The following MAP3K21 variants were observed in gnomAD, a reference collection of about 807,000 sequenced individuals.
MAP3K21 encodes mitogen-activated protein kinase kinase kinase MLK4.
In MAP3K21, 63 loss-of-function variants were observed where a neutral mutation model predicts 86.1. That is an observed-to-expected ratio of 0.73 (90% CI 0.60 to 0.90). MAP3K21 has a LOEUF of 0.90. Among genes scored for constraint, MAP3K21 ranks in the 40% least tolerant of loss-of-function variants. The pLI is 0.00. For synonymous variants in MAP3K21, 558 were observed against 564.8 expected (o/e 0.99, Z 0.17); for missense variants, 1,220 against 1,367.7 (o/e 0.89, Z 1.70).
chr1:233,345,774 G>A (rs900574890), intron 1 of MAP3K21, among the ~76,000 whole-genome samples: 4 of 150,398 alleles, frequency 2.7e-5, no homozygotes, highest in African/African-American at 4.9e-5. Flanking sequence ...AAGCACATTT[G>A]TTGTAGTTGC....
At chr1:233,338,806 G>A (rs1662963218) in intron 1 of MAP3K21, among the ~76,000 whole-genome samples, 1 of 152,176 alleles carries the variant, frequency 6.6e-6, no homozygotes, top group Admixed American at 6.5e-5. Flanking sequence ...GAACAGAGGA[G>A]AGCTGTGGTC....
At chr1:233,333,649 C>G (rs956409417) in intron 1 of MAP3K21, among the ~76,000 whole-genome samples, 1 of 151,600 alleles carries the variant, frequency 6.6e-6, no homozygotes, top group Non-Finnish European at 1.5e-5. Flanking sequence ...AGGGGTATAG[C>G]TAGTTAGTTC....
At position 233,354,818 on chromosome 1, in the gene MAP3K21, G is replaced by T. The variant is rs372108267; in HGVS notation, c.1136-18G>T. 7.5e-7 allele frequency: 1 copy of T among 1,334,154 alleles called. No homozygotes were observed. The highest frequency in any genetic ancestry group is 1.0e-6 in the Non-Finnish European group (1 of 985,120). 82.6% of individuals were successfully genotyped at this position (1,334,154 alleles called of 1,614,324 possible). On this transcript the variant is annotated intron_variant, in intron 3 of 9. Transcript: ENST00000366624. ...CTGCGTTGAGAGATGGTATTAATGT[G>T]ATTTTTGTTTATTTTAGAATGCTGG...
chr1:233,365,988 C>T (rs1237729523), intron 5 of MAP3K21, among the ~76,000 whole-genome samples: 1 of 152,116 alleles, frequency 6.6e-6, no homozygotes, highest in East Asian at 1.9e-4. Context: ...GGTGTGTTTA[C>T]CTGATGGAAC....
At chr1:233,359,272 T>G (rs1663424506) in intron 4 of MAP3K21, among the ~76,000 whole-genome samples, 1 of 152,226 alleles carries the variant, frequency 6.6e-6, no homozygotes, top group African/African-American at 2.4e-5. Context: ...AATTTATTTT[T>G]TGGTTGATTT....
chr1:233,362,800 C>T (rs1572251353), intron 5 of MAP3K21, among the ~76,000 whole-genome samples: 1 of 152,078 alleles, frequency 6.6e-6, no homozygotes, highest in South Asian at 2.1e-4. Flanking sequence ...TAAAATCCTT[C>T]AGACACAAAA....
At chr1:233,376,584 C>A in intron 8 of MAP3K21, 57 bp downstream of exon 8, 1 of 1,263,368 alleles carries the variant, frequency 7.9e-7, no homozygotes, top group Non-Finnish European at 1.1e-6. Flanking sequence ...TCTGATTGTG[C>A]TGAAGCTTTG....
chr1:233,378,337 C>T (rs908311376), intron 8 of MAP3K21, among the ~76,000 whole-genome samples: 1 of 152,194 alleles, frequency 6.6e-6, no homozygotes, highest in Non-Finnish European at 1.5e-5. Context: ...CCCCAAACTT[C>T]AGTAAAGGCT....
intron 1 of MAP3K21, among the ~76,000 whole-genome samples, chr1:233,344,153 G>C (rs1230926738): frequency 6.6e-6 from 1 of 152,152 alleles, no homozygotes. Context: ...TGGCCATACT[G>C]CCCAAGGTAA....
chr1:233,339,282 C>CTTG (rs1662980457), intron 1 of MAP3K21, among the ~76,000 whole-genome samples: 1 of 68,904 alleles, frequency 1.5e-5, no homozygotes, highest in Non-Finnish European at 3.3e-5. Context: ...TCTTCTTCTT[C>CTTG]TTCTTCTTCC....
At chr1:233,376,201 A>G in intron 7 of MAP3K21, 135 bp downstream of exon 7, 1 of 806,112 alleles carries the variant, frequency 1.2e-6, no homozygotes, top group South Asian at 1.8e-5. Flanking sequence ...ATTTTCTAGG[A>G]TGAATTTATC....
chr1:233,376,139 C>G (rs577850250), intron 7 of MAP3K21, 73 bp downstream of exon 7: 4 of 1,306,054 alleles, frequency 3.1e-6, no homozygotes, highest in South Asian at 2.7e-5. Context: ...ATCACATCAG[C>G]CAGACTTTCA....
chr1:233,375,887 G>A (rs535777470), intron 6 of MAP3K21, 29 bp from the exon 7 acceptor site: 2 of 1,581,898 alleles, frequency 1.3e-6, no homozygotes, highest in Non-Finnish European at 1.7e-6. Context: ...GATTGTTGTG[G>A]TTAATATGGT....
intron 5 of MAP3K21, among the ~76,000 whole-genome samples, chr1:233,371,653 T>C (rs921205190): frequency 2.6e-5 from 4 of 152,230 alleles, no homozygotes; most frequent in African/African-American, 9.6e-5. Flanking sequence ...AGCCACCGTG[T>C]TCAGACTTAA....
chr1:233,349,555 A>G (rs1419464302), intron 2 of MAP3K21, among the ~76,000 whole-genome samples: 1 of 152,192 alleles, frequency 6.6e-6, no homozygotes, highest in African/African-American at 2.4e-5. Context: ...CAACCAAAAT[A>G]TGGGCCTTTA....
At chr1:233,332,652 G>T (rs989327228) in intron 1 of MAP3K21, among the ~76,000 whole-genome samples, 1 of 152,172 alleles carries the variant, frequency 6.6e-6, no homozygotes, top group African/African-American at 2.4e-5. Flanking sequence ...TATTTTGCAG[G>T]GAGGTTACCA....
intron 4 of MAP3K21, among the ~76,000 whole-genome samples, chr1:233,357,535 C>T (rs1198660450): frequency 6.6e-6 from 1 of 152,136 alleles, no homozygotes; most frequent in Non-Finnish European, 1.5e-5. Flanking sequence ...CAACGTAAGA[C>T]CATGACACCA....
intron 6 of MAP3K21, 96 bp from the exon 7 acceptor site, chr1:233,375,820 T>C: frequency 1.1e-6 from 1 of 916,942 alleles, no homozygotes. Context: ...AGTAAGGTAG[T>C]TTCACAACTG....
Position 233,378,049 on chromosome 1 carries a change from A to G in MAP3K21, c.1925-882A>G, listed in dbSNP as rs1050021543. On this transcript the variant is annotated intron_variant, in intron 8 of 9. Transcript: ENST00000366624. ...AGCTTCACTCGCCCACCTGCTGCTC[A>G]CTTCCTGCTGTGCAGCCTGGTTCCT... Among the ~76,000 whole-genome samples the G allele has an allele frequency of 3.9e-5, 6 of 152,320 alleles. No homozygotes were observed. In the East Asian group the frequency reaches 1.2e-3, roughly 29 times the overall value.
Sources: gnomAD v4.1 joint callset for allele counts (sites outside exome capture counted in the v4.1 genomes callset) on GRCh38, gnomAD v4.1.1 for gene constraint, MANE v1.5 for transcripts, NCBI Gene and HGNC (gene_info 2026-07-23, HGNC 2026-07-21) for gene names.